The following PKN2 variants were observed in gnomAD, a reference collection of about 807,000 sequenced individuals.
PKN2 encodes the protein protein kinase N2, also known as serine/threonine-protein kinase N2.
In PKN2, 38 loss-of-function variants were observed where a neutral mutation model predicts 119.1. The observed-to-expected ratio is 0.32, with a 90% CI of 0.25 to 0.42. PKN2 has a LOEUF of 0.42. PKN2 is among the 10% of genes least tolerant of loss of function. PKN2 has a pLI of 1.00. For missense variants in PKN2, 850 were observed against 1,165.1 expected (o/e 0.73, Z 3.94); for synonymous variants, 390 against 384.9 (o/e 1.01, Z -0.15).
intron 2 of PKN2, among the ~76,000 whole-genome samples, chr1:88,744,048 A>G (rs1295404836): frequency 6.6e-6 from 1 of 152,160 alleles, no homozygotes; most frequent in East Asian, 1.9e-4. Flanking sequence ...CAACTTGGTA[A>G]TAAGTCATTT....
rs1672939134 is a variant in PKN2, at chr1:88,836,211, A to G, written c.*2763A>G. The G allele has an allele frequency of 6.6e-6, 1 of 152,102 alleles. No individual in the cohort carries two copies. Among genetic ancestry groups the G allele is most frequent in the Non-Finnish European group, 1.5e-5 (1 of 68,012 alleles). 9.4% of individuals were successfully genotyped at this position (152,102 alleles called of 1,614,324 possible). ...TGAGGTTAGCTTATTTTAATTTAGG[A>G]CCTGGCTTCTCAAAAAGGCAAATGA... On this transcript the variant is annotated 3_prime_UTR_variant, in exon 22 of 22. Transcript: ENST00000370521.
At chr1:88,802,871 T>TAA (rs2100869274) in intron 8 of PKN2, among the ~76,000 whole-genome samples, 1 of 152,326 alleles carries the variant, frequency 6.6e-6, no homozygotes, top group Non-Finnish European at 1.5e-5. Flanking sequence ...TAACAAGTCT[T>TAA]CCTTGTAACA....
At chr1:88,718,001 A>G (rs905196145) in intron 1 of PKN2, among the ~76,000 whole-genome samples, 3 of 152,016 alleles carry the variant, frequency 2.0e-5, no homozygotes, top group Admixed American at 6.5e-5. Context: ...CTTTTTGTTG[A>G]TGTTGATGCT....
At chr1:88,769,421 T>C (rs1389365800) in intron 3 of PKN2, among the ~76,000 whole-genome samples, 1 of 152,218 alleles carries the variant, frequency 6.6e-6, no homozygotes, top group African/African-American at 2.4e-5. Flanking sequence ...TATTTCATAC[T>C]ATGTTTCTGA....
intron 19 of PKN2, 137 bp from the exon 20 acceptor site, chr1:88,832,604 TTTA>T (rs943436610): frequency 4.6e-5 from 26 of 567,362 alleles, no homozygotes; most frequent in African/African-American, 3.5e-4. Flanking sequence ...TAGGCATGGG[TTTA>T]TTGTTGTTGT....
Position 88,735,834 on chromosome 1 carries a change from T to A in PKN2, c.49-5154T>A, listed in dbSNP as rs1402975928. The stretch of plus-strand genomic sequence containing the variant: ...ACTTATTTGGGCTGTATCTGATTGG[T>A]AACCTTTGACCTTTCTGTACCTGGA... On this transcript the variant is annotated intron_variant, in intron 1 of 21. Coordinates refer to ENST00000370521, the MANE Select transcript of PKN2 (RefSeq NM_006256.4). Among the ~76,000 whole-genome samples the A allele has an allele frequency of 3.3e-5, 5 of 152,150 alleles. No homozygotes were observed. In the East Asian group the frequency reaches 9.6e-4, roughly 29 times the overall value.
chr1:88,761,195 C>T (rs1314387805), intron 3 of PKN2, among the ~76,000 whole-genome samples: 1 of 152,052 alleles, frequency 6.6e-6, no homozygotes, highest in Non-Finnish European at 1.5e-5. Context: ...AGCCGCTGAA[C>T]CAGATTATCC....
rs111232800 is a variant in PKN2 at position 88,796,505 on chromosome 1, A to T, written c.1282-7886A>T. On this transcript the variant is annotated intron_variant, in intron 8 of 21. Coordinates refer to ENST00000370521, the MANE Select transcript of PKN2 (RefSeq NM_006256.4). ...ATTTCTACTTATATTCTAGGCTTTA[A>T]CTATATGAAACTGTTTCCTATCCCT... Among the ~76,000 whole-genome samples the T allele has an allele frequency of 9.9e-3, 1,514 of 152,238 alleles. 21 individuals are homozygous for T. Among genetic ancestry groups the T allele is most frequent in the African/African-American group, 0.034 (1,430 of 41,530 alleles).
intron 6 of PKN2, among the ~76,000 whole-genome samples, chr1:88,778,217 T>A (rs114896047): frequency 1.7e-3 from 256 of 152,392 alleles, no homozygotes; most frequent in African/African-American, 5.9e-3. Context: ...CCTGAGGCTG[T>A]GTCACGTATA....
chr1:88,796,637 TATG>T (rs950743329), intron 8 of PKN2, among the ~76,000 whole-genome samples: 1 of 152,202 alleles, frequency 6.6e-6, no homozygotes, highest in Admixed American at 6.5e-5. Context: ...TTTGAGCAAT[TATG>T]ATATTTTTTG....
At chr1:88,746,066 T>G (rs1481291434) in intron 2 of PKN2, among the ~76,000 whole-genome samples, 1 of 152,276 alleles carries the variant, frequency 6.6e-6, no homozygotes, top group East Asian at 1.9e-4. Context: ...CCCTTATACG[T>G]AATACCTTTA....
chr1:88,782,207 G>A (rs1019456996), intron 6 of PKN2, among the ~76,000 whole-genome samples: 3 of 151,892 alleles, frequency 2.0e-5, no homozygotes, highest in Admixed American at 6.6e-5. Context: ...TCCTCTCTAC[G>A]TAACATGTTT....
chr1:88,733,285 G>A (rs1419581115), intron 1 of PKN2, among the ~76,000 whole-genome samples: 2 of 152,024 alleles, frequency 1.3e-5, no homozygotes, highest in Non-Finnish European at 2.9e-5. Flanking sequence ...TTCCATAATG[G>A]CTATACATTC....
chr1:88,772,439 T>G (rs1433195230), intron 6 of PKN2, among the ~76,000 whole-genome samples: 1 of 152,192 alleles, frequency 6.6e-6, no homozygotes, highest in Non-Finnish European at 1.5e-5. Flanking sequence ...ATTTTGGATT[T>G]GGGATTTCAG....
intron 1 of PKN2, among the ~76,000 whole-genome samples, chr1:88,704,052 T>G (rs1424966193): frequency 6.6e-6 from 1 of 152,186 alleles, no homozygotes; most frequent in Non-Finnish European, 1.5e-5. Context: ...AAGCTTGACA[T>G]GCTGATAACA....
At chr1:88,770,931 G>A (rs2100801714) in intron 4 of PKN2, among the ~76,000 whole-genome samples, 1 of 149,228 alleles carries the variant, frequency 6.7e-6, no homozygotes, top group East Asian at 2.0e-4. Context: ...CACTTGGATA[G>A]ATGCTTTTAG....
intron 16 of PKN2, 88 bp from the exon 17 acceptor site, chr1:88,821,853 T>C (rs761161409): frequency 5.3e-5 from 51 of 954,524 alleles, no homozygotes; most frequent in Non-Finnish European, 7.4e-5. Flanking sequence ...AAATTAATGA[T>C]AGGTCTGCTT....
rs150402134 is a variant in PKN2, at chr1:88,804,069, T to C, written c.1282-322T>C. Among the ~76,000 whole-genome samples, 1,182 of 152,298 alleles carry C rather than the reference T, an allele frequency of 7.8e-3. 18 individuals carry two copies. The highest frequency in any genetic ancestry group is 0.027 in the African/African-American group (1,128 of 41,574). ...AATAGAGGAGGGAAATCTGAAAGAT[T>C]GAAGCTCTAAGAGAAGGAGTTTCGG... On this transcript the variant is annotated intron_variant, in intron 8 of 21. Coordinates refer to ENST00000370521, the MANE Select transcript of PKN2 (RefSeq NM_006256.4).
intron 3 of PKN2, among the ~76,000 whole-genome samples, chr1:88,766,439 TA>T (rs1382158329): frequency 2.0e-5 from 3 of 152,334 alleles, no homozygotes; most frequent in Non-Finnish European, 2.9e-5. Context: ...AAAACAGTGT[TA>T]TTTTTTTGTA....
Sources: gnomAD v4.1 joint callset for allele counts (sites outside exome capture counted in the v4.1 genomes callset) on GRCh38, gnomAD v4.1.1 for gene constraint, MANE v1.5 for transcripts, NCBI Gene and HGNC (gene_info 2026-07-23, HGNC 2026-07-21) for gene names.